Variants in UBE2D1 observed in about 807,000 individuals in gnomAD.
UBE2D1 encodes ubiquitin-conjugating enzyme E2 D1.
Under a neutral mutation model 24.6 loss-of-function variants are expected in UBE2D1, and 9 were observed. That is an observed-to-expected ratio of 0.37 (90% confidence interval 0.22 to 0.64). The LOEUF (loss-of-function observed/expected upper bound fraction) is 0.64, where lower values mean the gene tolerates loss of function less well. Ranked by LOEUF, UBE2D1 falls within the 30% of genes least tolerant of loss-of-function variation. The pLI is 0.64. For missense variants in UBE2D1, 87 were observed against 177.1 expected, an observed-to-expected ratio of 0.49 and a Z score of 2.89; for synonymous variants, 57 against 57.6, an observed-to-expected ratio of 0.99 and a Z score of 0.04.
chr10:58,335,863 A>G (rs898904550), intron 1 of UBE2D1, among the ~76,000 whole-genome samples: 1 of 152,150 alleles, frequency 6.6e-6, no homozygotes, highest in African/African-American at 2.4e-5. Flanking sequence ...TAGCGAAAAC[A>G]TAGTTGCTGA....
Position 58,335,385 on chromosome 10 carries a change from G to A in UBE2D1, c.24+160G>A, listed in dbSNP as rs2132309936. Among the ~76,000 whole-genome samples the A allele has an allele frequency of 2.0e-5, 3 of 152,336 alleles. No homozygotes were observed. In the Middle Eastern group the frequency reaches 0.01, roughly 518 times the overall value. ...GGCTCGGGCCGGGCCAGCGGGCATC[G>A]GACAGGTGAGGTGGGAGCAGGGTCA... On this transcript the variant is annotated intron_variant, in intron 1 of 6. Transcript: ENST00000373910.
At chr10:58,352,386 G>A (rs1222511641) in intron 1 of UBE2D1, among the ~76,000 whole-genome samples, 1 of 152,056 alleles carries the variant, frequency 6.6e-6, no homozygotes, top group African/African-American at 2.4e-5. Context: ...GTCCTTTGTT[G>A]TCAGTGGCAC....
At chr10:58,366,968 A>G (rs1840262393) in intron 5 of UBE2D1, among the ~76,000 whole-genome samples, 1 of 152,150 alleles carries the variant, frequency 6.6e-6, no homozygotes, top group Non-Finnish European at 1.5e-5. Context: ...AGCCCTGAAA[A>G]TCTGCCCTGT....
intron 1 of UBE2D1, among the ~76,000 whole-genome samples, chr10:58,341,410 A>T (rs2132314538): frequency 6.6e-6 from 1 of 152,306 alleles, no homozygotes; most frequent in African/African-American, 2.4e-5. Context: ...TTTCTCTAAT[A>T]AGCCACGATG....
At chr10:58,345,066 T>C (rs1840001285) in intron 1 of UBE2D1, among the ~76,000 whole-genome samples, 1 of 152,060 alleles carries the variant, frequency 6.6e-6, no homozygotes. Context: ...GGTTTTGCCA[T>C]GTTGTCCAGG....
intron 1 of UBE2D1, among the ~76,000 whole-genome samples, chr10:58,344,433 G>A (rs1046445210): frequency 6.6e-6 from 1 of 151,998 alleles, no homozygotes. Context: ...GAAACTTAAT[G>A]GATTGAACTT....
intron 1 of UBE2D1, among the ~76,000 whole-genome samples, chr10:58,337,276 C>T (rs1046422892): frequency 1.3e-5 from 2 of 152,230 alleles, no homozygotes; most frequent in Admixed American, 1.3e-4. Context: ...TCAGGAAAAT[C>T]GACTTACACA....
chr10:58,354,660 C>T (rs1411665141), intron 1 of UBE2D1, among the ~76,000 whole-genome samples: 1 of 151,920 alleles, frequency 6.6e-6, no homozygotes, highest in Non-Finnish European at 1.5e-5. Flanking sequence ...ATAGTGAAAC[C>T]CCTTTTCTAC....
chr10:58,363,269 C>T (rs892891778), intron 3 of UBE2D1, among the ~76,000 whole-genome samples: 9 of 152,148 alleles, frequency 5.9e-5, no homozygotes, highest in Middle Eastern at 3.4e-3. Context: ...CCACAGCAGT[C>T]GTGTGTATAC....
chr10:58,353,377 T>G (rs780340743), intron 1 of UBE2D1, among the ~76,000 whole-genome samples: 2 of 152,190 alleles, frequency 1.3e-5, no homozygotes, highest in Non-Finnish European at 2.9e-5. Flanking sequence ...CTGCAGCTTG[T>G]CTGTGGGCAG....
chr10:58,354,793 C>T (rs886890686), intron 1 of UBE2D1, among the ~76,000 whole-genome samples: 3 of 152,094 alleles, frequency 2.0e-5, no homozygotes, highest in Admixed American at 2.0e-4. Flanking sequence ...TGAGATAGTA[C>T]CACTGTACTC....
Position 58,368,947 on chromosome 10 carries a change from G to C in UBE2D1, c.*182G>C, listed in dbSNP as rs1288144850. 1 of 373,900 alleles carries C rather than the reference G, an allele frequency of 2.7e-6. No individual in the cohort carries two copies. Among genetic ancestry groups the C allele is most frequent in the African/African-American group, 2.1e-5 (1 of 47,832 alleles). 23.2% of individuals were successfully genotyped at this position (373,900 alleles called of 1,614,324 possible). On this transcript the variant is annotated 3_prime_UTR_variant, in exon 7 of 7. Transcript: ENST00000373910. The stretch of plus-strand genomic sequence containing the variant: ...CTTCCAAAAATACCCTTAAGACTGT[G>C]ATGAGAGCATTTATCATTTTGTATG...
At chr10:58,342,707 A>G (rs963352703) in intron 1 of UBE2D1, among the ~76,000 whole-genome samples, 1 of 151,656 alleles carries the variant, frequency 6.6e-6, no homozygotes, top group African/African-American at 2.4e-5. Flanking sequence ...TATTTGCCAT[A>G]TGTTTGGAGA....
rs1261954031 is a variant in UBE2D1 at position 58,368,723 on chromosome 10, C to A, written c.402C>A (p.Tyr134Ter). The A allele has an allele frequency of 6.3e-7, 1 of 1,586,998 alleles. No homozygotes were observed. Among genetic ancestry groups the A allele is most frequent in the Non-Finnish European group, 8.6e-7 (1 of 1,165,480 alleles). ...TATCCTTTTTGTGTATCTACAGATA[C>A]AACAGACATGCAAGAGAATGGACTC... is the stretch of plus-strand genomic sequence containing the variant. ...AQIYKSDKEK[Y>*]NRHAREWTQK... Residue 134 changes from tyrosine (Y) to a stop codon, truncating the protein, a stop_gained, in exon 7 of 7, where the codon TAC becomes TAA. Coordinates refer to ENST00000373910, the MANE Select transcript of UBE2D1 (RefSeq NM_003338.5). LOFTEE classifies it high-confidence loss of function.
In UBE2D1 at chr10:58,335,198, ACC is replaced by A; in HGVS notation, c.-2_-1del. 1 of 1,548,380 alleles carries A rather than the reference ACC, an allele frequency of 6.5e-7. No individual in the cohort carries two copies. Among genetic ancestry groups the A allele is most frequent in the African/African-American group, 1.4e-5 (1 of 71,498 alleles). ...GCCGGTGTCCCCACCGCCATCCCTG[ACC>A]CATGGCGCTGAAGAGGATTCAGAAA... On this transcript the variant is annotated 5_prime_UTR_variant, in exon 1 of 7. Coordinates refer to ENST00000373910, the MANE Select transcript of UBE2D1 (RefSeq NM_003338.5).
intron 1 of UBE2D1, 148 bp downstream of exon 1, chr10:58,335,373 C>A: frequency 2.0e-6 from 2 of 981,688 alleles, no homozygotes; most frequent in Non-Finnish European, 1.4e-6. Flanking sequence ...TCGGGCCGGG[C>A]CAGCGGGCAT....
intron 1 of UBE2D1, among the ~76,000 whole-genome samples, chr10:58,344,299 G>C (rs1268975583): frequency 6.6e-6 from 1 of 152,180 alleles, no homozygotes; most frequent in East Asian, 1.9e-4. Flanking sequence ...CTGTTACAGT[G>C]TTGAGGTGAG....
At chr10:58,359,893 G>C (rs1160379530) in intron 1 of UBE2D1, among the ~76,000 whole-genome samples, 1 of 152,158 alleles carries the variant, frequency 6.6e-6, no homozygotes, top group Non-Finnish European at 1.5e-5. Flanking sequence ...AGGCCCTTCA[G>C]AGTATCTCAC....
At chr10:58,363,915 C>T (rs1405194048) in intron 4 of UBE2D1, among the ~76,000 whole-genome samples, 1 of 151,746 alleles carries the variant, frequency 6.6e-6, no homozygotes, top group African/African-American at 2.4e-5. Context: ...AAATTAAATT[C>T]CTTGCTTTTC....
Sources: gnomAD v4.1 joint callset for allele counts (sites outside exome capture counted in the v4.1 genomes callset) on GRCh38, gnomAD v4.1.1 for gene constraint, MANE v1.5 for transcripts, NCBI Gene and HGNC (gene_info 2026-07-23, HGNC 2026-07-21) for gene names.